Variants in ADGRL3 observed in about 807,000 individuals in gnomAD.
ADGRL3 encodes adhesion G protein-coupled receptor L3.
Under a neutral mutation model 153.5 loss-of-function variants are expected in ADGRL3, and 62 were observed. The observed-to-expected ratio is 0.40, with a 90% CI of 0.33 to 0.50. ADGRL3 has a LOEUF of 0.50. Among genes scored for constraint, ADGRL3 ranks in the 20% least tolerant of loss-of-function variants. ADGRL3 has a pLI of 0.47. For missense variants in ADGRL3, 1,641 were observed against 1,859.4 expected, an observed-to-expected ratio of 0.88 and a Z score of 2.16; for synonymous variants, 710 against 672.5, an observed-to-expected ratio of 1.06 and a Z score of -0.86.
At chr4:61,728,763 C>T (rs1388456002) in intron 6 of ADGRL3, among the ~76,000 whole-genome samples, 6 of 151,992 alleles carry the variant, frequency 3.9e-5, no homozygotes, top group Non-Finnish European at 7.4e-5. Context: ...TTTCATATGA[C>T]TTTCTATCCC....
At chr4:61,960,662 A>G (rs1451338472) in intron 17 of ADGRL3, among the ~76,000 whole-genome samples, 1 of 152,174 alleles carries the variant, frequency 6.6e-6, no homozygotes, top group Non-Finnish European at 1.5e-5. Flanking sequence ...TAAATGATGT[A>G]ATGATGTACA....
intron 1 of ADGRL3, among the ~76,000 whole-genome samples, chr4:61,382,273 A>T (rs900463995): frequency 8.8e-4 from 133 of 151,364 alleles, no homozygotes; most frequent in African/African-American, 2.9e-3. Flanking sequence ...TAATTAACTA[A>T]TACAAAGAGC....
chr4:61,834,435 T>G (rs1046117015), intron 9 of ADGRL3, among the ~76,000 whole-genome samples: 13 of 152,206 alleles, frequency 8.5e-5, no homozygotes, highest in African/African-American at 3.1e-4. Flanking sequence ...TGCATGTGTC[T>G]TTATAGCAGC....
rs764453036 is a variant in ADGRL3, at chr4:61,558,401, G to GAT, written c.260-28823_260-28822dup. ...TAAGAAAATATGGCACTTTAAAATA[G>GAT]ATATTTAGCTATTTGGTAATCCTCT... On this transcript the variant is annotated intron_variant, in intron 4 of 26. Coordinates refer to ENST00000683033, the MANE Select transcript of ADGRL3 (RefSeq NM_001387552.1). Among the ~76,000 whole-genome samples the GAT allele has an allele frequency of 2.1e-3, 321 of 151,712 alleles. 1 individual carries two copies. The highest frequency in any genetic ancestry group is 3.4e-3 in the Middle Eastern group (1 of 294).
intron 17 of ADGRL3, among the ~76,000 whole-genome samples, chr4:61,967,293 T>A (rs2099010503): frequency 6.6e-6 from 1 of 152,174 alleles, no homozygotes; most frequent in Admixed American, 6.5e-5. Flanking sequence ...AGATACAATG[T>A]AGTAATTAAA....
intron 9 of ADGRL3, among the ~76,000 whole-genome samples, chr4:61,876,682 A>T (rs929493500): frequency 6.6e-6 from 1 of 151,934 alleles, no homozygotes; most frequent in African/African-American, 2.4e-5. Flanking sequence ...GGGAGGGAAG[A>T]AGACAATAGT....
At chr4:62,006,026 A>T (rs1343359888) in intron 21 of ADGRL3, among the ~76,000 whole-genome samples, 11 of 100,308 alleles carry the variant, frequency 1.1e-4, no homozygotes, top group African/African-American at 2.2e-4. Flanking sequence ...ATATATATAT[A>T]TATATATTTT....
At chr4:61,758,276 G>T in intron 8 of ADGRL3, among the ~76,000 whole-genome samples, 1 of 152,238 alleles carries the variant, frequency 6.6e-6, no homozygotes, top group East Asian at 1.9e-4. Flanking sequence ...GGTGACAGTG[G>T]GGTGTTAAAA....
At chr4:61,970,461 T>C (rs559468670) in intron 17 of ADGRL3, among the ~76,000 whole-genome samples, 20 of 152,156 alleles carry the variant, frequency 1.3e-4, no homozygotes, top group Non-Finnish European at 2.4e-4. Context: ...AAATGTAGTT[T>C]TGTTTAGTTT....
rs1746146865 is a variant in ADGRL3 at position 62,072,994 on chromosome 4, T to C, written c.*2086T>C. 2 of 152,174 alleles carry C rather than the reference T, an allele frequency of 1.3e-5. No homozygotes were observed. The highest frequency in any genetic ancestry group is 4.1e-4 in the South Asian group (2 of 4,834). 9.4% of individuals were successfully genotyped at this position (152,174 alleles called of 1,614,324 possible). ...AAGAAGTTCTTTCAAAGAAACTTTCTAGATCTCTCATTACTGCAGATCCTT... is the reference window on the plus strand; with the variant it reads ...AAGAAGTTCTTTCAAAGAAACTTTCCAGATCTCTCATTACTGCAGATCCTT... On this transcript the variant is annotated 3_prime_UTR_variant, in exon 27 of 27. Coordinates refer to ENST00000683033, the MANE Select transcript of ADGRL3 (RefSeq NM_001387552.1).
intron 5 of ADGRL3, among the ~76,000 whole-genome samples, chr4:61,627,338 A>T (rs2092894640): frequency 6.6e-6 from 1 of 152,102 alleles, no homozygotes; most frequent in African/African-American, 2.4e-5. Context: ...AGTTAGCCGA[A>T]TGTGGTGGCT....
chr4:62,029,739 C>T (rs1720935926), intron 22 of ADGRL3, among the ~76,000 whole-genome samples: 1 of 148,416 alleles, frequency 6.7e-6, no homozygotes, highest in Non-Finnish European at 1.5e-5. Context: ...GGGCTCATTG[C>T]AGTTTTCTAC....
At chr4:61,466,100 G>A (rs907720878) in intron 2 of ADGRL3, among the ~76,000 whole-genome samples, 8 of 151,820 alleles carry the variant, frequency 5.3e-5, no homozygotes, top group Non-Finnish European at 1.2e-4. Context: ...AGCTCTGGGC[G>A]ACAGAGCAAG....
intron 1 of ADGRL3, among the ~76,000 whole-genome samples, chr4:61,295,181 G>A (rs75725505): frequency 3.3e-5 from 5 of 152,026 alleles, no homozygotes; most frequent in Non-Finnish European, 7.4e-5. Flanking sequence ...CTTAGTGGCC[G>A]TCTCCATTAT....
chr4:61,791,933 G>T (rs1005868463), intron 8 of ADGRL3, among the ~76,000 whole-genome samples: 3 of 152,100 alleles, frequency 2.0e-5, no homozygotes, highest in Non-Finnish European at 4.4e-5. Context: ...CCCTGGGCCC[G>T]GCCCATGAAA....
At chr4:62,029,709 T>G (rs1167740513) in intron 22 of ADGRL3, among the ~76,000 whole-genome samples, 1 of 150,978 alleles carries the variant, frequency 6.6e-6, no homozygotes, top group East Asian at 1.9e-4. Flanking sequence ...TTGTTGTTTT[T>G]TTTTTTTTTT....
At chr4:61,969,480 T>C (rs527369779) in intron 17 of ADGRL3, among the ~76,000 whole-genome samples, 1 of 152,262 alleles carries the variant, frequency 6.6e-6, no homozygotes, top group East Asian at 1.9e-4. Context: ...CATGGATCGT[T>C]CTATGTATTT....
intron 1 of ADGRL3, among the ~76,000 whole-genome samples, chr4:61,380,428 A>G (rs2096653679): frequency 6.6e-6 from 1 of 152,048 alleles, no homozygotes; most frequent in Admixed American, 6.6e-5. Flanking sequence ...ATGTACCTTG[A>G]ACATTCATAT....
At chr4:61,699,345 TATA>T (rs1451366756) in intron 6 of ADGRL3, among the ~76,000 whole-genome samples, 4 of 152,182 alleles carry the variant, frequency 2.6e-5, no homozygotes, top group African/African-American at 9.7e-5. Context: ...TCTTAGCAAT[TATA>T]ATATTTAATA....
Sources: gnomAD v4.1 joint callset for allele counts (sites outside exome capture counted in the v4.1 genomes callset) on GRCh38, gnomAD v4.1.1 for gene constraint, MANE v1.5 for transcripts, NCBI Gene and HGNC (gene_info 2026-07-23, HGNC 2026-07-21) for gene names.